Variants in TMEM141 observed in about 807,000 individuals in gnomAD.
TMEM141 encodes the protein transmembrane protein 141.
A neutral mutation model predicts 15.9 loss-of-function variants in TMEM141; 18 were observed. That is an observed-to-expected ratio of 1.13 (90% CI 0.78 to 1.68). The LOEUF (loss-of-function observed/expected upper bound fraction) is 1.68, where lower values mean the gene tolerates loss of function less well. Among genes scored for constraint, TMEM141 ranks in the 40% most tolerant of loss-of-function variants. The pLI, the probability that TMEM141 is intolerant of heterozygous loss-of-function variation, is 0.00. For missense variants in TMEM141, 161 were observed against 139.5 expected (o/e 1.15, Z -0.78); for synonymous variants, 69 against 54.0 (o/e 1.28, Z -1.22).
Position 136,792,367 on chromosome 9 carries a change from G to A in TMEM141, c.313+9G>A. ...CAAAGACAGGAGCACAGGTGAGAGA[G>A]CCTGGGGGTTAGCGAGAAGTGAATG... On this transcript the variant is annotated intron_variant, in intron 4 of 4. Transcript: ENST00000290079. 6.4e-7 allele frequency: 1 copy of A among 1,562,000 alleles called. No homozygotes were observed. The highest frequency in any genetic ancestry group is 8.7e-7 in the Non-Finnish European group (1 of 1,152,312).
At position 136,792,330 on chromosome 9, in the gene TMEM141, C is replaced by T. The variant is rs1454030959; in HGVS notation, c.285C>T (p.Thr95=). ...KCNNLWLFLE[T]GQLPKDRSTD... is the part of the protein sequence containing the mutation. ...ACAACCTCTGGCTCTTCCTGGAGACCGGGCAGCTCCCCAAAGACAGGAGCA... is the reference window on the plus strand; with the variant it reads ...ACAACCTCTGGCTCTTCCTGGAGACTGGGCAGCTCCCCAAAGACAGGAGCA... The change falls in exon 4 of 5, where the codon ACC becomes ACT. Residue 95 remains threonine, a synonymous_variant. Coordinates refer to ENST00000290079, the MANE Select transcript of TMEM141 (RefSeq NM_032928.4). 3 of 1,582,392 alleles carry T rather than the reference C, an allele frequency of 1.9e-6. No homozygotes were observed. The highest frequency in any genetic ancestry group is 2.3e-5 in the East Asian group (1 of 43,294).
At position 136,793,118 on chromosome 9, in the gene TMEM141, G is replaced by T; in HGVS notation, c.*286G>T. 1 of 271,636 alleles carries T rather than the reference G, an allele frequency of 3.7e-6. No individual in the cohort carries two copies. Among genetic ancestry groups the T allele is most frequent in the East Asian group, 6.1e-5 (1 of 16,354 alleles). 16.8% of individuals were successfully genotyped at this position (271,636 alleles called of 1,614,324 possible). A position where few individuals can be genotyped will look rare whatever the true frequency, so the allele number is the denominator to read the frequency against. On this transcript the variant is annotated 3_prime_UTR_variant, in exon 5 of 5. Coordinates refer to ENST00000290079, the MANE Select transcript of TMEM141 (RefSeq NM_032928.4). ...TGCCAGCAGAGAGGGTGTGTCTGGG[G>T]GCCACCACCTATGGGACACGGGGTC...
intron 4 of TMEM141, 150 bp from the exon 5 acceptor site, chr9:136,792,669 G>A: frequency 3.1e-6 from 2 of 647,356 alleles, no homozygotes; most frequent in East Asian, 2.6e-5. Context: ...GAGTGAGGCT[G>A]GACTGAGAAG....
At position 136,791,354 on chromosome 9, in the gene TMEM141, C is replaced by G. The variant is rs1247838603; in HGVS notation, c.-17C>G. ...CGCCTGCGCCTGCGCAGGCCCGCTC[C>G]CCGAGCCCTGCCAACCATGGTGAAC... On this transcript the variant is annotated 5_prime_UTR_variant, in exon 1 of 5. Coordinates refer to ENST00000290079, the MANE Select transcript of TMEM141 (RefSeq NM_032928.4). 17 of 1,554,960 alleles carry G rather than the reference C, an allele frequency of 1.1e-5. No homozygotes were observed. Among genetic ancestry groups the G allele is most frequent in the African/African-American group, 1.4e-5 (1 of 73,184 alleles).
rs1411886348 is a variant in TMEM141 at position 136,791,357 on chromosome 9, G to A, written c.-14G>A. 3 of 1,555,888 alleles carry A rather than the reference G, an allele frequency of 1.9e-6. No homozygotes were observed. The highest frequency in any genetic ancestry group is 3.9e-5 in the Admixed American group (2 of 51,946). On this transcript the variant is annotated 5_prime_UTR_variant, in exon 1 of 5. Transcript: ENST00000290079. Reference sequence around the variant, plus strand: ...CTGCGCCTGCGCAGGCCCGCTCCCCGAGCCCTGCCAACCATGGTGAACTTG... The same window carrying A: ...CTGCGCCTGCGCAGGCCCGCTCCCCAAGCCCTGCCAACCATGGTGAACTTG...
chr9:136,791,442 G>A lies in TMEM141; in HGVS notation c.54+18G>A, dbSNP rs1043517293. The stretch of plus-strand genomic sequence containing the variant: ...AGCACCCGGTGAGAAGGCCGGTCTG[G>A]GACGCGGGCCTCAAACCCCAGAAGC... On this transcript the variant is annotated intron_variant, in intron 1 of 4. Coordinates refer to ENST00000290079, the MANE Select transcript of TMEM141 (RefSeq NM_032928.4). 9.0e-6 allele frequency: 14 copies of A among 1,552,314 alleles called. No individual in the cohort carries two copies. The African/African-American group carries it at 1.6e-4, about 18-fold the overall frequency.
intron 1 of TMEM141, 130 bp from the exon 2 acceptor site, chr9:136,791,581 G>A: frequency 6.4e-7 from 1 of 1,567,818 alleles, no homozygotes; most frequent in Non-Finnish European, 8.7e-7. Flanking sequence ...TGGGCATAGG[G>A]GAGGTGGGAC....
At position 136,791,932 on chromosome 9, in the gene TMEM141, C is replaced by A. The variant is rs762443685; in HGVS notation, c.122-15C>A. On this transcript the variant is annotated splice_polypyrimidine_tract_variant and intron_variant, in intron 2 of 4. Coordinates refer to ENST00000290079, the MANE Select transcript of TMEM141 (RefSeq NM_032928.4). Reference sequence around the variant, plus strand: ...TCCCCGGGTACAGGTTGATGGGGACCTCGGCTCTTTGCAGGCACCGGCATG... The same window carrying A: ...TCCCCGGGTACAGGTTGATGGGGACATCGGCTCTTTGCAGGCACCGGCATG... 3 of 1,614,066 alleles carry A rather than the reference C, an allele frequency of 1.9e-6. No homozygotes were observed. Among genetic ancestry groups the A allele is most frequent in the Admixed American group, 3.3e-5 (2 of 60,030 alleles).
rs868373761 is a variant in TMEM141 at position 136,791,393 on chromosome 9, G to T, written c.23G>T (p.Arg8Leu). The T allele has an allele frequency of 9.6e-6, 15 of 1,560,902 alleles. No homozygotes were observed. Among genetic ancestry groups the T allele is most frequent in the Non-Finnish European group, 1.3e-5 (15 of 1,152,972 alleles). The change falls in exon 1 of 5, where the codon CGG becomes CTG. Residue 8 changes from arginine to leucine, a missense_variant. Arg to Leu is a moderately radical substitution (Grantham distance 102). Coordinates refer to ENST00000290079, the MANE Select transcript of TMEM141 (RefSeq NM_032928.4). MVNLGLS[R>L]VDDAVAAKHP... ...ACCATGGTGAACTTGGGTCTGTCCCGGGTGGACGACGCCGTGGCTGCCAAG... is the reference window on the plus strand; with the variant it reads ...ACCATGGTGAACTTGGGTCTGTCCCTGGTGGACGACGCCGTGGCTGCCAAG...
rs755469311 is a variant in TMEM141 at position 136,791,413 on chromosome 9, G to T, written c.43G>T (p.Ala15Ser). The T allele has an allele frequency of 1.9e-6, 3 of 1,559,124 alleles. No individual in the cohort carries two copies. In the South Asian group the frequency reaches 3.5e-5, roughly 18 times the overall value. ...GLSRVDDAVA[A>S]KHPGLGEYAA... ...GTCCCGGGTGGACGACGCCGTGGCTGCCAAGCACCCGGTGAGAAGGCCGGT... is the reference window on the plus strand; with the variant it reads ...GTCCCGGGTGGACGACGCCGTGGCTTCCAAGCACCCGGTGAGAAGGCCGGT... The change falls in exon 1 of 5, where the codon GCC (alanine) becomes TCC (serine). Residue 15 changes from alanine to serine, a missense_variant. By Grantham distance (99) the Ala-to-Ser change is moderately conservative. Transcript: ENST00000290079.
chr9:136,791,914 G>C (rs370483302), intron 2 of TMEM141, 33 bp from the exon 3 acceptor site: 39 of 1,613,828 alleles, frequency 2.4e-5, no homozygotes, highest in Non-Finnish European at 2.9e-5. Context: ...CTATCCCCGG[G>C]TACAGGTTGA....
chr9:136,792,475 C>A, intron 4 of TMEM141, 117 bp downstream of exon 4: 2 of 843,692 alleles, frequency 2.4e-6, no homozygotes, highest in Admixed American at 2.3e-5. Flanking sequence ...TCCCTCTGGC[C>A]CGGCCTCCTC....
chr9:136,792,046 C>A lies in TMEM141; in HGVS notation c.205+16C>A, dbSNP rs201464107. Reference sequence around the variant, plus strand: ...GTGGCCGTGGGTGGGTACTCCAGGGCCCCTGCCTGGGCTCTTTGAGGGGTG... The same window carrying A: ...GTGGCCGTGGGTGGGTACTCCAGGGACCCTGCCTGGGCTCTTTGAGGGGTG... On this transcript the variant is annotated intron_variant, in intron 3 of 4. Transcript: ENST00000290079. 2,974 of 1,613,254 alleles carry A rather than the reference C, an allele frequency of 1.8e-3. 4 individuals carry two copies. The highest frequency in any genetic ancestry group is 2.3e-3 in the Non-Finnish European group (2,725 of 1,179,586).
chr9:136,791,561 G>A, intron 1 of TMEM141, 137 bp downstream of exon 1: 1 of 1,564,338 alleles, frequency 6.4e-7, no homozygotes. Flanking sequence ...AGGGGCTCAG[G>A]GCGTCCGGGT....
intron 1 of TMEM141, 126 bp from the exon 2 acceptor site, chr9:136,791,585 G>T: frequency 1.3e-6 from 2 of 1,567,228 alleles, no homozygotes; most frequent in Non-Finnish European, 1.7e-6. Context: ...CATAGGGGAG[G>T]TGGGACGTGT....
rs1021354148 is a variant in TMEM141, at chr9:136,791,478, G to A, written c.54+54G>A. The A allele has an allele frequency of 3.6e-5, 55 of 1,548,900 alleles. No homozygotes were observed. In the East Asian group the frequency reaches 1.3e-3, roughly 36 times the overall value. ...TCAAACCCCAGAAGCTGACCTGAGCGAGGCGGGGGGCCGGGGCGTGGGGGT... is the reference window on the plus strand; with the variant it reads ...TCAAACCCCAGAAGCTGACCTGAGCAAGGCGGGGGGCCGGGGCGTGGGGGT... On this transcript the variant is annotated intron_variant, in intron 1 of 4. Coordinates refer to ENST00000290079, the MANE Select transcript of TMEM141 (RefSeq NM_032928.4).
At chr9:136,792,192 G>C (rs1298633255) in intron 3 of TMEM141, 59 bp from the exon 4 acceptor site, 1 of 1,523,414 alleles carries the variant, frequency 6.6e-7, no homozygotes, top group Non-Finnish European at 8.9e-7. Flanking sequence ...GCCTGTGCCC[G>C]GTTCTCTTAG....
chr9:136,791,780 A>G lies in TMEM141; in HGVS notation c.121+3A>G. The stretch of plus-strand genomic sequence containing the variant: ...GGGCGTTTTCACCTTCGTCACAGGT[A>G]GGCTGCGTCCAGGTGTCCTGCGGCT... On this transcript the variant is annotated splice_donor_region_variant and intron_variant, in intron 2 of 4. Transcript: ENST00000290079. 1 of 1,613,164 alleles carries G rather than the reference A, an allele frequency of 6.2e-7. No individual in the cohort carries two copies. Among genetic ancestry groups the G allele is most frequent in the Non-Finnish European group, 8.5e-7 (1 of 1,179,802 alleles).
Position 136,792,998 on chromosome 9 carries a change from G to T in TMEM141, c.*166G>T, listed in dbSNP as rs529054466. The T allele has an allele frequency of 1.6e-4, 157 of 976,268 alleles. 3 individuals are homozygous for T. The South Asian group carries it at 5.8e-3, about 36-fold the overall frequency. The allele number at this position is 976,268 out of a possible 1,614,324, so 60.5% of individuals were successfully genotyped here. Reference sequence around the variant, plus strand: ...TGACAAACACCTGCAGATGGCTGCTGCCCCAACCTGGGACCTGCCCAGGAG... The same window carrying T: ...TGACAAACACCTGCAGATGGCTGCTTCCCCAACCTGGGACCTGCCCAGGAG... On this transcript the variant is annotated 3_prime_UTR_variant, in exon 5 of 5. Coordinates refer to ENST00000290079, the MANE Select transcript of TMEM141 (RefSeq NM_032928.4).
Sources: allele counts gnomAD v4.1 joint callset, GRCh38; gene constraint gnomAD v4.1.1; transcripts MANE v1.5; gene names NCBI Gene and HGNC (gene_info 2026-07-23, HGNC 2026-07-21).